Variants in PLCB1 observed in about 807,000 individuals in gnomAD.
PLCB1 encodes 1-phosphatidylinositol 4,5-bisphosphate phosphodiesterase beta-1.
A neutral mutation model predicts 161.8 loss-of-function variants in PLCB1; 46 were observed. The ratio of observed to expected loss-of-function variants is 0.28; its 90% confidence interval spans 0.22 to 0.36. The LOEUF is 0.36. Ranked by LOEUF, PLCB1 falls within the 10% of genes least tolerant of loss-of-function variation. PLCB1 has a pLI of 1.00. For synonymous variants in PLCB1, 517 were observed against 503.7 expected, an observed-to-expected ratio of 1.03 and a Z score of -0.35; for missense variants, 1,016 against 1,472.5, an observed-to-expected ratio of 0.69 and a Z score of 5.07.
intron 3 of PLCB1, among the ~76,000 whole-genome samples, chr20:8,429,626 A>G (rs1979946974): frequency 6.6e-6 from 1 of 152,094 alleles, no homozygotes; most frequent in Non-Finnish European, 1.5e-5. Context: ...GTTCTGAGTG[A>G]TAATATAAAA....
rs1046127378 is a variant in PLCB1 at position 8,436,132 on chromosome 20, A to G, written c.246+64682A>G. Reference sequence around the variant, plus strand: ...GGCAGGTGGATCAGTTGAGGCCAGGAGTTCGAGACCAGCCTGGCCATGACG... The same window carrying G: ...GGCAGGTGGATCAGTTGAGGCCAGGGGTTCGAGACCAGCCTGGCCATGACG... On this transcript the variant is annotated intron_variant, in intron 3 of 31. Transcript: ENST00000338037. Among the ~76,000 whole-genome samples, 5 of 152,134 alleles carry G rather than the reference A, an allele frequency of 3.3e-5. No homozygotes were observed. The East Asian group carries it at 5.8e-4, about 18-fold the overall frequency.
chr20:8,190,881 C>T (rs534697895), intron 2 of PLCB1, among the ~76,000 whole-genome samples: 20 of 152,136 alleles, frequency 1.3e-4, no homozygotes, highest in Admixed American at 3.3e-4. Flanking sequence ...TGACCGGGTC[C>T]GGTGGAGAAG....
chr20:8,283,175 A>G (rs1319317740), intron 2 of PLCB1, among the ~76,000 whole-genome samples: 2 of 152,218 alleles, frequency 1.3e-5, no homozygotes, highest in East Asian at 3.8e-4. Context: ...AAAATTCATT[A>G]GTCTGTGCTC....
At chr20:8,654,685 T>G (rs913869747) in intron 7 of PLCB1, among the ~76,000 whole-genome samples, 2 of 152,086 alleles carry the variant, frequency 1.3e-5, no homozygotes, top group African/African-American at 4.8e-5. Flanking sequence ...GAGGAATATT[T>G]GAACATTGGG....
chr20:8,163,333 C>G (rs1301946906), intron 2 of PLCB1, among the ~76,000 whole-genome samples: 1 of 152,174 alleles, frequency 6.6e-6, no homozygotes, highest in African/African-American at 2.4e-5. Flanking sequence ...GGGTTATTTT[C>G]TCAGCTCTTC....
At chr20:8,389,235 A>G (rs895531947) in intron 3 of PLCB1, among the ~76,000 whole-genome samples, 4 of 152,264 alleles carry the variant, frequency 2.6e-5, no homozygotes, top group African/African-American at 9.6e-5. Context: ...GGCAATGCCT[A>G]CATTTTTCAG....
chr20:8,221,890 T>C (rs1419668390), intron 2 of PLCB1, among the ~76,000 whole-genome samples: 1 of 152,156 alleles, frequency 6.6e-6, no homozygotes, highest in Non-Finnish European at 1.5e-5. Flanking sequence ...TATGCTGAAT[T>C]GAAGCAAAAA....
intron 2 of PLCB1, among the ~76,000 whole-genome samples, chr20:8,184,275 AAAG>A (rs2051877404): frequency 6.6e-6 from 1 of 152,186 alleles, no homozygotes; most frequent in Non-Finnish European, 1.5e-5. Context: ...TAAGCATAAA[AAAG>A]AAGCTGAATA....
intron 1 of PLCB1, among the ~76,000 whole-genome samples, chr20:8,139,455 G>A (rs1256499922): frequency 6.6e-6 from 1 of 151,858 alleles, no homozygotes. Flanking sequence ...TTACTGAATT[G>A]ACGTTTAATG....
chr20:8,828,619 G>C (rs1985829372), intron 31 of PLCB1, among the ~76,000 whole-genome samples: 1 of 152,170 alleles, frequency 6.6e-6, no homozygotes, highest in African/African-American at 2.4e-5. Context: ...CAGAATAGGA[G>C]CTATTGAGAA....
At chr20:8,579,846 T>C (rs922100702) in intron 3 of PLCB1, among the ~76,000 whole-genome samples, 1 of 146,442 alleles carries the variant, frequency 6.8e-6, no homozygotes, top group African/African-American at 2.6e-5. Flanking sequence ...AGCACCAGGA[T>C]CATCAGGAGA....
At chr20:8,624,473 C>A (rs963794414) in intron 3 of PLCB1, among the ~76,000 whole-genome samples, 21 of 152,072 alleles carry the variant, frequency 1.4e-4, no homozygotes, top group African/African-American at 4.6e-4. Flanking sequence ...AATAAAATAA[C>A]CTTTTTAAAA....
At chr20:8,817,727 T>C (rs1227126888) in intron 31 of PLCB1, among the ~76,000 whole-genome samples, 2 of 151,992 alleles carry the variant, frequency 1.3e-5, no homozygotes, top group Admixed American at 1.3e-4. Context: ...TCACAATGAA[T>C]ACGAAGAAAG....
chr20:8,426,554 G>A (rs1979782296), intron 3 of PLCB1, among the ~76,000 whole-genome samples: 1 of 152,170 alleles, frequency 6.6e-6, no homozygotes, highest in South Asian at 2.1e-4. Flanking sequence ...AAAGTGAGGA[G>A]ATGCAGGTCA....
At chr20:8,429,279 C>CT (rs1979929167) in intron 3 of PLCB1, among the ~76,000 whole-genome samples, 1 of 152,188 alleles carries the variant, frequency 6.6e-6, no homozygotes, top group Non-Finnish European at 1.5e-5. Flanking sequence ...TTAAACTTCT[C>CT]TAACTCTTTA....
chr20:8,733,672 G>A (rs1272111906), intron 19 of PLCB1, among the ~76,000 whole-genome samples: 2 of 151,184 alleles, frequency 1.3e-5, no homozygotes, highest in Non-Finnish European at 2.9e-5. Flanking sequence ...ATAGCATTAG[G>A]AGATACACCT....
intron 31 of PLCB1, among the ~76,000 whole-genome samples, chr20:8,881,341 G>GTGTA (rs1987976096): frequency 6.7e-6 from 1 of 148,862 alleles, no homozygotes; most frequent in African/African-American, 2.5e-5. Flanking sequence ...GTGTGTGTGT[G>GTGTA]TGTGTGTGTG....
intron 18 of PLCB1, among the ~76,000 whole-genome samples, chr20:8,732,603 C>A (rs1980313189): frequency 7.1e-6 from 1 of 141,704 alleles, no homozygotes; most frequent in African/African-American, 2.6e-5. Context: ...GATAGTGTAT[C>A]ATATTAGAAA....
At chr20:8,830,524 AG>A (rs1474844828) in intron 31 of PLCB1, among the ~76,000 whole-genome samples, 1 of 152,238 alleles carries the variant, frequency 6.6e-6, no homozygotes, top group Non-Finnish European at 1.5e-5. Flanking sequence ...AAGAAAGCAT[AG>A]GTAAGGACCA....
Sources: gnomAD v4.1 joint callset for allele counts (sites outside exome capture counted in the v4.1 genomes callset) on GRCh38, gnomAD v4.1.1 for gene constraint, MANE v1.5 for transcripts, NCBI Gene and HGNC (gene_info 2026-07-23, HGNC 2026-07-21) for gene names.